STPG2: variants seen among roughly 807,000 people sequenced by gnomAD.
STPG2 encodes sperm-tail PG-rich repeat-containing protein 2.
In STPG2, 56 loss-of-function variants were observed where a neutral mutation model predicts 54.2. The observed-to-expected ratio is 1.03, with a 90% CI of 0.83 to 1.29. The LOEUF (loss-of-function observed/expected upper bound fraction) is 1.29. STPG2 is among the 50% of genes most tolerant of loss of function. The probability of loss-of-function intolerance (pLI) is 0.00; values close to 1 mark genes in which losing one functional copy is unlikely to be tolerated. For synonymous variants in STPG2, 200 were observed against 181.8 expected (o/e 1.10, Z -0.81); for missense variants, 596 against 544.9 (o/e 1.09, Z -0.93).
At chr4:97,794,812 G>C (rs1727114260) in intron 9 of STPG2, among the ~76,000 whole-genome samples, 1 of 152,100 alleles carries the variant, frequency 6.6e-6, no homozygotes, top group Non-Finnish European at 1.5e-5. Flanking sequence ...TACAAAATTA[G>C]ACGTGGCTTG....
chr4:98,029,398 G>A (rs979617941), intron 5 of STPG2, among the ~76,000 whole-genome samples: 5 of 151,988 alleles, frequency 3.3e-5, no homozygotes, highest in South Asian at 2.1e-4. Flanking sequence ...GTGTCTTCTC[G>A]ATGATCTCTT....
At chr4:97,480,261 T>C (rs1345866603) in intron 4 of STPG2, among the ~76,000 whole-genome samples, 3 of 151,686 alleles carry the variant, frequency 2.0e-5, no homozygotes, top group Admixed American at 6.6e-5. Context: ...TTAACATGAA[T>C]AGCCCAGTTT....
At chr4:97,550,331 C>T (rs1232119312) in intron 4 of STPG2, among the ~76,000 whole-genome samples, 4 of 150,538 alleles carry the variant, frequency 2.7e-5, no homozygotes, top group Admixed American at 1.3e-4. Flanking sequence ...TCTAGTAGGG[C>T]AAAGATATAA....
chr4:97,928,921 G>A (rs1334675801), intron 8 of STPG2, among the ~76,000 whole-genome samples: 1 of 151,712 alleles, frequency 6.6e-6, no homozygotes, highest in African/African-American at 2.4e-5. Flanking sequence ...TCCATGTGAA[G>A]GTTTGTTACA....
intron 10 of STPG2, among the ~76,000 whole-genome samples, chr4:97,686,461 G>T (rs1277302942): frequency 6.6e-6 from 1 of 152,046 alleles, no homozygotes; most frequent in Non-Finnish European, 1.5e-5. Flanking sequence ...CTTTCAGTTT[G>T]TTTTTGCTTC....
At chr4:97,705,445 C>T (rs1723912319) in intron 10 of STPG2, among the ~76,000 whole-genome samples, 1 of 152,032 alleles carries the variant, frequency 6.6e-6, no homozygotes, top group Non-Finnish European at 1.5e-5. Flanking sequence ...CGTGTCTCTG[C>T]CTCCTAAGCA....
chr4:97,795,999 C>G (rs1176344512), intron 9 of STPG2, among the ~76,000 whole-genome samples: 6 of 152,050 alleles, frequency 3.9e-5, no homozygotes, highest in Non-Finnish European at 7.4e-5. Flanking sequence ...AAATGTCTTC[C>G]TTTGAGTAGT....
In STPG2 at chr4:97,646,052, T is replaced by C. The variant is rs145175452; in HGVS notation, c.1320+66647A>G. On this transcript the variant is annotated intron_variant, in intron 10 of 10. Coordinates refer to ENST00000295268, the MANE Select transcript of STPG2 (RefSeq NM_174952.3). ...GCTCAATGATCTGATTCTTTCCAACTAGAGAAGACCATGGGCTCTAAGTCT... is the reference window on the plus strand; with the variant it reads ...GCTCAATGATCTGATTCTTTCCAACCAGAGAAGACCATGGGCTCTAAGTCT... Among the ~76,000 whole-genome samples the C allele has an allele frequency of 6.9e-3, 1,050 of 152,232 alleles. 14 individuals are homozygous for C. The highest frequency in any genetic ancestry group is 0.036 in the South Asian group (173 of 4,828).
intron 9 of STPG2, among the ~76,000 whole-genome samples, chr4:97,732,598 G>GA (rs1045264430): frequency 2.0e-5 from 3 of 151,964 alleles, no homozygotes; most frequent in African/African-American, 4.8e-5. Context: ...CTTCTGCACA[G>GA]AAAAAAGAAA....
At chr4:98,051,411 G>C (rs1737315926) in intron 5 of STPG2, among the ~76,000 whole-genome samples, 1 of 152,034 alleles carries the variant, frequency 6.6e-6, no homozygotes, top group South Asian at 2.1e-4. Context: ...TATGTTGATG[G>C]CATTGGGAAA....
In STPG2 at chr4:97,617,444, A is replaced by G. The variant is rs28628105; in HGVS notation, c.1321-58327T>C. Among the ~76,000 whole-genome samples, 822 of 152,240 alleles carry G rather than the reference A, an allele frequency of 5.4e-3. 2 individuals are homozygous for G. The highest frequency in any genetic ancestry group is 8.9e-3 in the Non-Finnish European group (605 of 67,998). On this transcript the variant is annotated intron_variant, in intron 10 of 10. Transcript: ENST00000295268. ...TACATTTCCCTAATATTTAAAAGGA[A>G]CTATATTTGCCGGGAAGTACACAGG... is the stretch of plus-strand genomic sequence containing the variant.
At chr4:97,604,927 GTCT>G (rs1330260855) in intron 10 of STPG2, among the ~76,000 whole-genome samples, 1 of 151,178 alleles carries the variant, frequency 6.6e-6, no homozygotes, top group East Asian at 1.9e-4. Flanking sequence ...CTTTTCCCTC[GTCT>G]TCTTAAGGAA....
intron 3 of STPG2, among the ~76,000 whole-genome samples, chr4:98,120,978 T>G (rs904417089): frequency 3.1e-4 from 47 of 152,352 alleles, no homozygotes; most frequent in African/African-American, 1.1e-3. Context: ...TTTTTGCCTG[T>G]GCCTATGTTC....
chr4:97,508,855 G>A (rs1246341786), intron 4 of STPG2, among the ~76,000 whole-genome samples: 1 of 152,060 alleles, frequency 6.6e-6, no homozygotes, highest in Non-Finnish European at 1.5e-5. Flanking sequence ...GAGGGCCAAA[G>A]TATTCTGATT....
chr4:98,069,735 G>C (rs1324243677), intron 5 of STPG2, among the ~76,000 whole-genome samples: 1 of 151,966 alleles, frequency 6.6e-6, no homozygotes, highest in Non-Finnish European at 1.5e-5. Flanking sequence ...GAAAGATGAA[G>C]ACAGTAACTT....
At chr4:98,086,686 AAG>A (rs1553940704) in intron 5 of STPG2, among the ~76,000 whole-genome samples, 2 of 150,422 alleles carry the variant, frequency 1.3e-5, no homozygotes, top group African/African-American at 2.4e-5. Context: ...AAAAAAAAAA[AAG>A]GTGCCCTGCA....
chr4:97,798,355 T>A (rs776438202), intron 9 of STPG2, among the ~76,000 whole-genome samples: 6 of 152,192 alleles, frequency 3.9e-5, no homozygotes, highest in Non-Finnish European at 1.5e-5. Flanking sequence ...CTGCCTTAAA[T>A]GTGTCCCAGA....
chr4:97,684,800 T>C (rs903794849), intron 10 of STPG2, among the ~76,000 whole-genome samples: 2 of 151,852 alleles, frequency 1.3e-5, no homozygotes, highest in African/African-American at 4.8e-5. Context: ...ATTAGGAGAA[T>C]GAAGAGACAA....
intron 5 of STPG2, among the ~76,000 whole-genome samples, chr4:98,062,466 A>G (rs1737693073): frequency 2.6e-5 from 4 of 152,202 alleles, no homozygotes; most frequent in Admixed American, 2.6e-4. Flanking sequence ...GTATAAAAAA[A>G]CAAAAAAACT....
Sources: allele counts gnomAD v4.1 joint callset (sites outside exome capture counted in the v4.1 genomes callset), GRCh38; gene constraint gnomAD v4.1.1; transcripts MANE v1.5; gene names NCBI Gene and HGNC (gene_info 2026-07-23, HGNC 2026-07-21).